Variants in TTC13 observed in about 807,000 individuals in gnomAD.
TTC13 encodes tetratricopeptide repeat protein 13.
In TTC13, 62 loss-of-function variants were observed where a neutral mutation model predicts 120.0. The ratio of observed to expected loss-of-function variants is 0.52; its 90% CI spans 0.42 to 0.64. The LOEUF is 0.64. Ranked by LOEUF, TTC13 falls within the 30% of genes least tolerant of loss-of-function variation. The probability of loss-of-function intolerance (pLI) is 0.00; values close to 1 mark genes in which losing one functional copy is unlikely to be tolerated. For missense variants in TTC13, 824 were observed against 1,050.2 expected (o/e 0.78, Z 2.98); for synonymous variants, 384 against 393.5 (o/e 0.98, Z 0.28).
chr1:230,923,536 T>A (rs889920149), intron 15 of TTC13, among the ~76,000 whole-genome samples: 4 of 152,066 alleles, frequency 2.6e-5, no homozygotes, highest in Non-Finnish European at 5.9e-5. Context: ...ATCTAATAAT[T>A]TTCTATATTT....
chr1:230,959,678 G>A (rs1254197059), intron 2 of TTC13, among the ~76,000 whole-genome samples: 1 of 152,228 alleles, frequency 6.6e-6, no homozygotes, highest in East Asian at 1.9e-4. Flanking sequence ...ACTGCACCCA[G>A]CCAAACAACA....
At chr1:230,915,704 T>C (rs1671948964) in intron 18 of TTC13, among the ~76,000 whole-genome samples, 1 of 152,190 alleles carries the variant, frequency 6.6e-6, no homozygotes, top group Non-Finnish European at 1.5e-5. Context: ...TTTTATTTTG[T>C]TAATTTTGCT....
Position 230,920,605 on chromosome 1 carries a change from G to C in TTC13, c.1899-11C>G. The C allele has an allele frequency of 1.3e-6, 2 of 1,493,242 alleles. No homozygotes were observed. The highest frequency in any genetic ancestry group is 1.8e-6 in the Non-Finnish European group (2 of 1,109,908). The allele number at this position is 1,493,242 out of a possible 1,614,324, so 92.5% of individuals were successfully genotyped here. A position where few individuals can be genotyped will look rare whatever the true frequency, so the allele number is the denominator to read the frequency against. The stretch of plus-strand genomic sequence containing the variant: ...TTAGGATTATTAGCTCTTAAAGAGA[G>C]ACAGAGAGAGATGGCAACTGAGATT... On this transcript the variant is annotated splice_polypyrimidine_tract_variant and intron_variant, in intron 16 of 22. Transcript: ENST00000366661.
At chr1:230,908,557 A>T in intron 22 of TTC13, 155 bp downstream of exon 22, 1 of 659,970 alleles carries the variant, frequency 1.5e-6, no homozygotes, top group Non-Finnish European at 2.6e-6. Flanking sequence ...AAAACATTTT[A>T]ACCTTGAAAA....
intron 18 of TTC13, 89 bp downstream of exon 18, chr1:230,916,104 C>T (rs1572181473): frequency 1.0e-6 from 1 of 973,414 alleles, no homozygotes; most frequent in East Asian, 2.4e-5. Context: ...AGCAAAAGTT[C>T]AACACCACAA....
chr1:230,908,453 G>A (rs1671154149), intron 22 of TTC13: 2 of 523,842 alleles, frequency 3.8e-6, no homozygotes, highest in Non-Finnish European at 7.2e-6. Context: ...GCCTCCCAAA[G>A]TGCTGGGATT....
Position 230,978,582 on chromosome 1 carries a change from G to A in TTC13, c.249C>T (p.Asp83=). 3 of 1,329,192 alleles carry A rather than the reference G, an allele frequency of 2.3e-6. No individual in the cohort carries two copies. Among genetic ancestry groups the A allele is most frequent in the Non-Finnish European group, 3.0e-6 (3 of 997,416 alleles). The allele number at this position is 1,329,192 out of a possible 1,614,324, so 82.3% of individuals were successfully genotyped here. Reference sequence around the variant, plus strand: ...CACCGCCGCACTCGGCAGAGTACTGGTCCCCCCAGTCCCCGGACTGCGGGC... The same window carrying A: ...CACCGCCGCACTCGGCAGAGTACTGATCCCCCCAGTCCCCGGACTGCGGGC... ...GCSPQSGDWG[D]QYSAECGESS... is the part of the protein sequence containing the mutation. The change falls in exon 1 of 23, where the codon GAC becomes GAT. Residue 83 remains aspartate, a synonymous_variant. Coordinates refer to ENST00000366661, the MANE Select transcript of TTC13 (RefSeq NM_024525.5). The surrounding 1 kb of genome is among the most constrained non-coding windows in gnomAD (Gnocchi z 5.6).
At chr1:230,915,356 ATG>A (rs5781607) in intron 18 of TTC13, among the ~76,000 whole-genome samples, 18 of 150,532 alleles carry the variant, frequency 1.2e-4, no homozygotes, top group South Asian at 1.0e-3. Context: ...GTGTGTGTGT[ATG>A]TGTGTGTGTG....
intron 17 of TTC13, among the ~76,000 whole-genome samples, chr1:230,917,457 T>C (rs1672147868): frequency 6.6e-6 from 1 of 152,200 alleles, no homozygotes; most frequent in South Asian, 2.1e-4. Flanking sequence ...TGGTTTTTCA[T>C]CAACAGTACC....
At chr1:230,916,344 C>T in intron 17 of TTC13, 42 bp from the exon 18 acceptor site, 1 of 1,407,640 alleles carries the variant, frequency 7.1e-7, no homozygotes. Context: ...GTGTTTCATT[C>T]ACTGTAAACC....
At chr1:230,969,881 TG>T (rs1677548080) in intron 1 of TTC13, among the ~76,000 whole-genome samples, 1 of 152,228 alleles carries the variant, frequency 6.6e-6, no homozygotes, top group Admixed American at 6.5e-5. Context: ...AAAATCGCAG[TG>T]TTTTTTTGTT....
intron 14 of TTC13, among the ~76,000 whole-genome samples, chr1:230,924,561 T>C (rs1672887765): frequency 6.6e-6 from 1 of 152,246 alleles, no homozygotes; most frequent in Non-Finnish European, 1.5e-5. Context: ...CTCGATCTCC[T>C]GACTTGGTGA....
At chr1:230,936,221 T>C in intron 8 of TTC13, 1 of 456,280 alleles carries the variant, frequency 2.2e-6, no homozygotes, top group South Asian at 1.5e-5. Context: ...GAGTCTTTGG[T>C]TTCGGGGTTC....
chr1:230,962,750 C>T (rs372886372), intron 1 of TTC13, among the ~76,000 whole-genome samples: 74 of 152,002 alleles, frequency 4.9e-4, no homozygotes, highest in Non-Finnish European at 9.4e-4. Context: ...GAATACTATT[C>T]GACCATAAAA....
Position 230,968,248 on chromosome 1 carries a change from G to A in TTC13, c.272-6945C>T, listed in dbSNP as rs1378101394. 4.1e-5 allele frequency among the ~76,000 whole-genome samples: 6 copies of A among 147,506 alleles called. No individual in the cohort carries two copies. The East Asian group carries it at 8.2e-4, about 20-fold the overall frequency. ...AAACACACATCACATAAAAGCAATC[G>A]CCTTAGCCATTTTTAGTTTGTATGG... On this transcript the variant is annotated intron_variant, in intron 1 of 22. Coordinates refer to ENST00000366661, the MANE Select transcript of TTC13 (RefSeq NM_024525.5).
rs1678680266 is a variant in TTC13 at position 230,978,841 on chromosome 1, G to A, written c.-11C>T. Reference sequence around the variant, plus strand: ...GCCGGCAGGTGCCATCTTCCCTCAAGGCGCATGCGCGACAGCCCTTGCCCG... The same window carrying A: ...GCCGGCAGGTGCCATCTTCCCTCAAAGCGCATGCGCGACAGCCCTTGCCCG... On this transcript the variant is annotated 5_prime_UTR_variant, in exon 1 of 23. Transcript: ENST00000366661. This position sits in a 1 kb window ranked among gnomAD's most constrained non-coding sequence, Gnocchi z 5.6. 3 of 1,463,894 alleles carry A rather than the reference G, an allele frequency of 2.0e-6. No individual in the cohort carries two copies. The highest frequency in any genetic ancestry group is 2.6e-5 in the Admixed American group (1 of 38,870). The allele number at this position is 1,463,894 out of a possible 1,614,324, so 90.7% of individuals were successfully genotyped here.
At chr1:230,964,750 C>T (rs1173603420) in intron 1 of TTC13, among the ~76,000 whole-genome samples, 1 of 151,870 alleles carries the variant, frequency 6.6e-6, no homozygotes, top group Non-Finnish European at 1.5e-5. Context: ...CTATAGTAAC[C>T]AAAACAGCAT....
At chr1:230,924,764 G>A in intron 14 of TTC13, 77 bp downstream of exon 14, 8 of 1,547,932 alleles carry the variant, frequency 5.2e-6, no homozygotes, top group South Asian at 1.2e-5. Flanking sequence ...AGGGTTCATA[G>A]CCTGTTAGCT....
intron 6 of TTC13, 22 bp downstream of exon 6, chr1:230,943,784 G>A: frequency 6.4e-7 from 1 of 1,571,294 alleles, no homozygotes; most frequent in East Asian, 2.3e-5. Context: ...AATGACAGAG[G>A]GAAAAAGAAA....
Sources: gnomAD v4.1 joint callset for allele counts (sites outside exome capture counted in the v4.1 genomes callset) on GRCh38, gnomAD v4.1.1 for gene constraint, Gnocchi (gnomAD v3.1) non-coding constraint, MANE v1.5 for transcripts, NCBI Gene and HGNC (gene_info 2026-07-23, HGNC 2026-07-21) for gene names.